The following CHIT1 variants were observed in gnomAD, a reference collection of about 807,000 sequenced individuals.
The protein encoded by CHIT1 is chitinase 1.
In CHIT1, 47 loss-of-function variants were observed where a neutral mutation model predicts 52.0. The observed-to-expected ratio is 0.90, with a 90% CI of 0.71 to 1.15. CHIT1 has a LOEUF of 1.15. Among genes scored for constraint, CHIT1 ranks in the 50% most tolerant of loss-of-function variants. The pLI is 0.00. For synonymous variants in CHIT1, 242 were observed against 228.2 expected (o/e 1.06, Z -0.54); for missense variants, 569 against 583.0 (o/e 0.98, Z 0.25).
chr1:203,222,099 C>T, intron 7 of CHIT1, 103 bp downstream of exon 7: 1 of 1,508,022 alleles, frequency 6.6e-7, no homozygotes, highest in South Asian at 1.1e-5. Context: ...TTTCTCAGTG[C>T]CCTGTGTCTT....
At position 203,222,421 on chromosome 1, in the gene CHIT1, A is replaced by G. The variant is rs1313456586; in HGVS notation, c.606-96T>C. The G allele has an allele frequency of 3.2e-6, 5 of 1,579,778 alleles. No individual in the cohort carries two copies. In the East Asian group the frequency reaches 6.8e-5, roughly 22 times the overall value. ...TACCCCCTCAGTGCATGGCCTAGGGAGGAACCACTGGGGTCAGAGGCAAAG... is the reference window on the plus strand; with the variant it reads ...TACCCCCTCAGTGCATGGCCTAGGGGGGAACCACTGGGGTCAGAGGCAAAG... On this transcript the variant is annotated intron_variant, in intron 6 of 10. Transcript: ENST00000367229.
intron 1 of CHIT1, 79 bp downstream of exon 1, chr1:203,229,533 G>A: frequency 1.3e-6 from 2 of 1,531,828 alleles, no homozygotes; most frequent in Non-Finnish European, 1.8e-6. Flanking sequence ...CCTTGCAAAT[G>A]GTAGCAAGTG....
chr1:203,219,867 G>A lies in CHIT1; in HGVS notation c.730-18C>T, dbSNP rs1656670879. Reference sequence around the variant, plus strand: ...GCAGCATCCTGGTGGAAGAGGGCAGGGTTAATTTTCTCAGCCCTCAGCCTG... The same window carrying A: ...GCAGCATCCTGGTGGAAGAGGGCAGAGTTAATTTTCTCAGCCCTCAGCCTG... On this transcript the variant is annotated intron_variant, in intron 7 of 10. Coordinates refer to ENST00000367229, the MANE Select transcript of CHIT1 (RefSeq NM_003465.3). 2.5e-6 allele frequency: 4 copies of A among 1,611,638 alleles called. No homozygotes were observed. In the South Asian group the frequency reaches 3.3e-5, roughly 13 times the overall value.
Position 203,216,622 on chromosome 1 carries a change from G to A in CHIT1, c.*267C>T, listed in dbSNP as rs1377595545. 1 of 548,222 alleles carries A rather than the reference G, an allele frequency of 1.8e-6. No individual in the cohort carries two copies. The highest frequency in any genetic ancestry group is 3.5e-6 in the Non-Finnish European group (1 of 289,090). The allele number at this position is 548,222 out of a possible 1,614,324, so 34.0% of individuals were successfully genotyped here. On this transcript the variant is annotated 3_prime_UTR_variant, in exon 11 of 11. Transcript: ENST00000367229. ...GGCTCTGACCTGCGGATGTTTTGGA[G>A]TCAACAGTGTGCTTAGAGAGCCTCT...
At chr1:203,226,384 A>G (rs1285617161) in intron 2 of CHIT1, among the ~76,000 whole-genome samples, 1 of 152,218 alleles carries the variant, frequency 6.6e-6, no homozygotes, top group Non-Finnish European at 1.5e-5. Flanking sequence ...CCTAGAGGGA[A>G]TTAGACATGG....
In CHIT1 at chr1:203,217,789, G is replaced by A. The variant is rs993853378; in HGVS notation, c.1106C>T (p.Ser369Phe). 3 of 1,526,774 alleles carry A rather than the reference G, an allele frequency of 2.0e-6. No homozygotes were observed. The highest frequency in any genetic ancestry group is 2.7e-6 in the Non-Finnish European group (3 of 1,115,312). The allele number at this position is 1,526,774 out of a possible 1,614,324, so 94.6% of individuals were successfully genotyped here. ...GAGGGGGTATCGGCCCTGGTTGCAGGAGAAGCCGGCAAAGTCATCTAAGTC... is the reference window on the plus strand; with the variant it reads ...GAGGGGGTATCGGCCCTGGTTGCAGAAGAAGCCGGCAAAGTCATCTAAGTC... ...ALDLDDFAGF[S>F]CNQGRYPLIQ... The change falls in exon 10 of 11, where the codon TCC becomes TTC. Residue 369 changes from serine (S) to phenylalanine (F), a missense_variant. By Grantham distance (155) the Ser-to-Phe change is radical. Coordinates refer to ENST00000367229, the MANE Select transcript of CHIT1 (RefSeq NM_003465.3).
In CHIT1 at chr1:203,222,107, C is replaced by T. The variant is rs982411888; in HGVS notation, c.729+95G>A. The T allele has an allele frequency of 4.0e-5, 63 of 1,565,942 alleles. No individual in the cohort carries two copies. In the Admixed American group the frequency reaches 8.7e-4, roughly 22 times the overall value. ...CTTCTTGTTTCTCAGTGCCCTGTGT[C>T]TTTTTTCCCATGAGGGCCTCGGGGC... On this transcript the variant is annotated intron_variant, in intron 7 of 10. Coordinates refer to ENST00000367229, the MANE Select transcript of CHIT1 (RefSeq NM_003465.3).
chr1:203,217,074 A>G lies in CHIT1; in HGVS notation c.1216T>C (p.Ser406Pro). ...ELEVPKPGQP[S>P]EPEHGPSPGQ... ...GGGCTGGGGCCATGCTCAGGTTCAG[A>G]GGGCTGACCTGGTTTTGGAACTTCA... Residue 406 changes from serine (S) to proline (P), a missense_variant, in exon 11 of 11, where the codon TCT becomes CCT. Transcript: ENST00000367229. 13 of 1,613,388 alleles carry G rather than the reference A, an allele frequency of 8.1e-6. No individual in the cohort carries two copies. Among genetic ancestry groups the G allele is most frequent in the Non-Finnish European group, 1.1e-5 (13 of 1,180,036 alleles).
intron 2 of CHIT1, among the ~76,000 whole-genome samples, chr1:203,226,891 T>C (rs1179852199): frequency 6.6e-6 from 1 of 152,216 alleles, no homozygotes; most frequent in Non-Finnish European, 1.5e-5. Flanking sequence ...CATCTGATAA[T>C]GACTGTGTGG....
intron 9 of CHIT1, 94 bp from the exon 10 acceptor site, chr1:203,217,959 C>T (rs542268412): frequency 3.2e-6 from 5 of 1,542,624 alleles, no homozygotes; most frequent in Non-Finnish European, 4.4e-6. Flanking sequence ...GCCCTTTTTG[C>T]TCCAGCAGCC....
intron 2 of CHIT1, among the ~76,000 whole-genome samples, chr1:203,227,645 A>C (rs1656973846): frequency 6.6e-6 from 1 of 152,196 alleles, no homozygotes; most frequent in African/African-American, 2.4e-5. Context: ...AAACACTCGG[A>C]GGAACACTGC....
chr1:203,217,301 C>T, intron 10 of CHIT1, 168 bp from the exon 11 acceptor site: 2 of 1,540,864 alleles, frequency 1.3e-6, no homozygotes, highest in Non-Finnish European at 1.7e-6. Flanking sequence ...AACAGCCATA[C>T]CTACAGCTGA....
chr1:203,218,144 C>T (rs947397804), intron 9 of CHIT1: 1 of 1,417,460 alleles, frequency 7.1e-7, no homozygotes, highest in African/African-American at 1.4e-5. Flanking sequence ...TGTGCACCTC[C>T]CTAAGTGGGA....
intron 8 of CHIT1, 53 bp from the exon 9 acceptor site, chr1:203,219,382 C>A: frequency 2.8e-6 from 3 of 1,055,166 alleles, no homozygotes; most frequent in Non-Finnish European, 4.5e-6. Flanking sequence ...CTTGCAGGCA[C>A]CTTCCCTTCC....
At chr1:203,226,284 G>C (rs1656926749) in intron 2 of CHIT1, among the ~76,000 whole-genome samples, 2 of 152,190 alleles carry the variant, frequency 1.3e-5, no homozygotes. Context: ...ATCAGGGTCT[G>C]GCAGGCAGGT....
Position 203,223,261 on chromosome 1 carries a change from T to G in CHIT1, c.481-2A>C. The stretch of plus-strand genomic sequence containing the variant: ...CTGCTGGAAGGCATTGGCCAAGTCC[T>G]GTGGGAGTGGAGCTCAGAGTCAACA... On this transcript the variant is annotated splice_acceptor_variant, in intron 5 of 10. Coordinates refer to ENST00000367229, the MANE Select transcript of CHIT1 (RefSeq NM_003465.3). LOFTEE classifies it high-confidence loss of function. The G allele has an allele frequency of 6.2e-7, 1 of 1,614,156 alleles. No homozygotes were observed. Among genetic ancestry groups the G allele is most frequent in the Non-Finnish European group, 8.5e-7 (1 of 1,180,024 alleles).
Position 203,216,567 on chromosome 1 carries a change from G to C in CHIT1, c.*322C>G. The C allele has an allele frequency of 4.2e-6, 2 of 480,516 alleles. No homozygotes were observed. The highest frequency in any genetic ancestry group is 8.2e-6 in the Non-Finnish European group (2 of 244,580). 29.8% of individuals were successfully genotyped at this position (480,516 alleles called of 1,614,324 possible). On this transcript the variant is annotated 3_prime_UTR_variant, in exon 11 of 11. Transcript: ENST00000367229. ...GGGGCAAGACCTGCCACAGGGCCTG[G>C]CACATCCTGCACGGACCACCTTCCC... is the stretch of plus-strand genomic sequence containing the variant.
chr1:203,217,157 C>G (rs750349183), intron 10 of CHIT1, 24 bp from the exon 11 acceptor site: 2 of 1,600,336 alleles, frequency 1.2e-6, no homozygotes, highest in East Asian at 4.5e-5. Flanking sequence ...GAAGATTCAA[C>G]CAAGGCTCCC....
At chr1:203,217,373 C>T in intron 10 of CHIT1, 3 of 1,504,340 alleles carry the variant, frequency 2.0e-6, no homozygotes, top group Non-Finnish European at 2.7e-6. Context: ...CTTTACCCAT[C>T]TGCAAGCACA....
Sources: gnomAD v4.1 joint callset for allele counts (sites outside exome capture counted in the v4.1 genomes callset) on GRCh38, gnomAD v4.1.1 for gene constraint, MANE v1.5 for transcripts, NCBI Gene and HGNC (gene_info 2026-07-23, HGNC 2026-07-21) for gene names.